The following TMEM177 variants were observed in gnomAD, a reference collection of about 807,000 sequenced individuals.
TMEM177 encodes the protein transmembrane protein 177.
Under a neutral mutation model 14.2 loss-of-function variants are expected in TMEM177, and 4 were observed. The ratio of observed to expected loss-of-function variants is 0.28; its 90% confidence interval spans 0.14 to 0.64. The LOEUF (loss-of-function observed/expected upper bound fraction) is 0.64, where lower values mean the gene tolerates loss of function less well. TMEM177 is among the 30% of genes least tolerant of loss of function. The pLI, the probability that TMEM177 is intolerant of heterozygous loss-of-function variation, is 0.82. For synonymous variants in TMEM177, 179 were observed against 174.5 expected (o/e 1.03, Z -0.20); for missense variants, 344 against 405.2 (o/e 0.85, Z 1.30).
the TMEM177 span, among the ~76,000 whole-genome samples, chr2:119,714,619 A>C: frequency 6.6e-6 from 1 of 152,108 alleles, no homozygotes; most frequent in Non-Finnish European, 1.5e-5. Context: ...ATCTGCCCCA[A>C]CTCTGTTCCT....
the TMEM177 span, among the ~76,000 whole-genome samples, chr2:119,720,669 G>C: frequency 2.0e-5 from 3 of 152,012 alleles, no homozygotes; most frequent in East Asian, 3.8e-4. Context: ...CTGAAATTTC[G>C]TGCCAGCCTT....
chr2:119,715,507 C>G, the TMEM177 span, among the ~76,000 whole-genome samples: 2 of 152,162 alleles, frequency 1.3e-5, no homozygotes, highest in African/African-American at 4.8e-5. Flanking sequence ...AGCATGCCCC[C>G]ACTCATTCTT....
the TMEM177 span, chr2:119,699,862 A>C: frequency 4.7e-6 from 2 of 422,972 alleles, no homozygotes; most frequent in South Asian, 3.7e-5. Flanking sequence ...GTCCAAAAAG[A>C]GTGCTGAGTT....
the TMEM177 span, among the ~76,000 whole-genome samples, chr2:119,696,666 G>A: frequency 1.2e-3 from 190 of 152,310 alleles, 1 homozygote; most frequent in Non-Finnish European, 2.4e-3. Context: ...CAACAGTGTG[G>A]CCAAGGACAG....
downstream of TMEM177, chr2:119,682,125 C>CGT (rs1367610764): frequency 1.2e-5 from 1 of 80,412 alleles, no homozygotes; most frequent in East Asian, 3.6e-4. Flanking sequence ...CCTTCTTGGT[C>CGT]GTTTTTTTTT....
chr2:119,709,517 A>C, the TMEM177 span, among the ~76,000 whole-genome samples: 1 of 152,174 alleles, frequency 6.6e-6, no homozygotes, highest in Non-Finnish European at 1.5e-5. Context: ...ATCTACAAAA[A>C]ATAAAATGAA....
the TMEM177 span, among the ~76,000 whole-genome samples, chr2:119,701,239 A>C: frequency 6.6e-6 from 1 of 152,236 alleles, no homozygotes; most frequent in South Asian, 2.1e-4. Context: ...TTGTTTTCCA[A>C]GCCTTCCTAG....
Position 119,681,337 on chromosome 2 carries a change from G to A in TMEM177, c.484G>A (p.Glu162Lys). 6.2e-7 allele frequency: 1 copy of A among 1,614,244 alleles called. No homozygotes were observed. Among genetic ancestry groups the A allele is most frequent in the South Asian group, 1.1e-5 (1 of 91,088 alleles). ...CTTGGCCAGGGAAGTGGTGTACCTG[G>A]AAAGCAGTACCACTGCCGTGCACGC... ...FALAREVVYL[E>K]SSTTAVHALL... is the part of the protein sequence containing the mutation. The change falls in exon 2 of 2, where the codon GAA (glutamate) becomes AAA (lysine). Residue 162 changes from glutamate (E) to lysine (K), a missense_variant. Coordinates refer to ENST00000272521, the MANE Select transcript of TMEM177 (RefSeq NM_030577.3).
chr2:119,707,994 G>A, the TMEM177 span, among the ~76,000 whole-genome samples: 1 of 152,220 alleles, frequency 6.6e-6, no homozygotes, highest in South Asian at 2.1e-4. Context: ...GGCCTGCTGT[G>A]GTTTCTGTTT....
chr2:119,719,832 C>T, the TMEM177 span, among the ~76,000 whole-genome samples: 1 of 152,176 alleles, frequency 6.6e-6, no homozygotes, highest in East Asian at 1.9e-4. Context: ...CTCACTCTGT[C>T]ACCCAGGCTG....
chr2:119,699,776 C>T, the TMEM177 span: 1 of 270,412 alleles, frequency 3.7e-6, no homozygotes, highest in Non-Finnish European at 7.5e-6. Context: ...CAGACCATAT[C>T]AGTGCCATTC....
the TMEM177 span, among the ~76,000 whole-genome samples, chr2:119,718,836 A>G: frequency 6.6e-5 from 10 of 152,170 alleles, no homozygotes; most frequent in African/African-American, 2.2e-4. Flanking sequence ...ACCCAAACCC[A>G]GTCTCCCCAC....
chr2:119,693,945 A>ACACACAACACACAAACACAC, the TMEM177 span, among the ~76,000 whole-genome samples: 16 of 92,448 alleles, frequency 1.7e-4, 1 homozygote, highest in Admixed American at 3.3e-4. Context: ...CACACAAGCC[A>ACACACAACACACAAACACAC]CACACACATG....
the TMEM177 span, among the ~76,000 whole-genome samples, chr2:119,715,229 A>C: frequency 1.3e-5 from 2 of 152,152 alleles, no homozygotes; most frequent in African/African-American, 4.8e-5. Context: ...CAAAAAATAA[A>C]AAATAAAAAT....
the TMEM177 span, among the ~76,000 whole-genome samples, chr2:119,693,655 C>G: frequency 2.0e-5 from 3 of 152,122 alleles, no homozygotes; most frequent in Non-Finnish European, 4.4e-5. Context: ...GGCTGACATT[C>G]TCTAAATACC....
chr2:119,701,632 C>T, the TMEM177 span, among the ~76,000 whole-genome samples: 2 of 152,166 alleles, frequency 1.3e-5, no homozygotes, highest in Admixed American at 1.3e-4. Flanking sequence ...ATGGGTTCAC[C>T]TTGCTGGCTG....
chr2:119,680,771 G>T, intron 1 of TMEM177, 61 bp from the exon 2 acceptor site: 1 of 1,355,666 alleles, frequency 7.4e-7, no homozygotes, highest in Non-Finnish European at 1.0e-6. Context: ...GGACCCTGGA[G>T]GATGTTCAGT....
rs1688913443 is a variant in TMEM177, at chr2:119,681,770, T to C, written c.917T>C (p.Leu306Pro). The C allele has an allele frequency of 1.9e-6, 3 of 1,613,646 alleles. No homozygotes were observed. The highest frequency in any genetic ancestry group is 2.5e-6 in the Non-Finnish European group (3 of 1,179,736). ...DSVLQMWRGMLNPGRS is the reference protein window; with the variant it reads ...DSVLQMWRGMPNPGRS Reference sequence around the variant, plus strand: ...GTGCTGCAGATGTGGAGGGGGATGCTCAATCCGGGCCGCTCCTGATGGGCT... The same window carrying C: ...GTGCTGCAGATGTGGAGGGGGATGCCCAATCCGGGCCGCTCCTGATGGGCT... Residue 306 changes from leucine to proline, a missense_variant, in exon 2 of 2, where the codon CTC becomes CCC. By Grantham distance (98) the Leu-to-Pro change is moderately conservative. Coordinates refer to ENST00000272521, the MANE Select transcript of TMEM177 (RefSeq NM_030577.3).
the TMEM177 span, among the ~76,000 whole-genome samples, chr2:119,697,574 ATTCT>A: frequency 2.0e-5 from 3 of 152,128 alleles, no homozygotes; most frequent in Non-Finnish European, 4.4e-5. Context: ...AGTCCAGGCT[ATTCT>A]TTCTTACCTC....
Sources: gnomAD v4.1 joint callset for allele counts (sites outside exome capture counted in the v4.1 genomes callset) on GRCh38, gnomAD v4.1.1 for gene constraint, MANE v1.5 for transcripts, NCBI Gene and HGNC (gene_info 2026-07-23, HGNC 2026-07-21) for gene names.